The following KALRN variants were observed in gnomAD, a reference collection of about 807,000 sequenced individuals.
The protein encoded by KALRN is kalirin RhoGEF kinase, also known as kalirin.
A neutral mutation model predicts 353.7 loss-of-function variants in KALRN; 70 were observed. That is an observed-to-expected ratio of 0.20 (90% CI 0.16 to 0.24). The LOEUF is 0.24. KALRN is among the 10% of genes least tolerant of loss of function. The pLI, the probability that KALRN is intolerant of heterozygous loss-of-function variation, is 1.00. For missense variants in KALRN, 2,791 were observed against 3,756.7 expected (o/e 0.74, Z 6.72); for synonymous variants, 1,391 against 1,434.8 (o/e 0.97, Z 0.69).
intron 1 of KALRN, chr3:124,082,127 C>T (rs2060572947): frequency 2.6e-6 from 1 of 385,310 alleles, no homozygotes; most frequent in African/African-American, 2.1e-5. Context: ...CCCTGGATGC[C>T]CAGCTGCAAT....
chr3:124,380,527 C>T (rs2087206284), intron 10 of KALRN, among the ~76,000 whole-genome samples: 1 of 152,158 alleles, frequency 6.6e-6, no homozygotes, highest in Admixed American at 6.5e-5. Context: ...ATCTATACAC[C>T]AGCACTCATA....
intron 5 of KALRN, among the ~76,000 whole-genome samples, chr3:124,272,753 C>T (rs1454532073): frequency 6.6e-6 from 1 of 152,156 alleles, no homozygotes; most frequent in Non-Finnish European, 1.5e-5. Context: ...GAGTGCTGGA[C>T]AGGGTAGAAA....
chr3:124,247,937 T>C lies in KALRN; in HGVS notation c.263+12994T>C, dbSNP rs562651248. Reference sequence around the variant, plus strand: ...CCACCCCATCTCATGTTTTCTTAGATTGCTTTAGAAAAAAAGATTTATTCA... The same window carrying C: ...CCACCCCATCTCATGTTTTCTTAGACTGCTTTAGAAAAAAAGATTTATTCA... On this transcript the variant is annotated intron_variant, in intron 3 of 59. Coordinates refer to ENST00000682506, the MANE Select transcript of KALRN (RefSeq NM_001388419.1). 4.2e-4 allele frequency among the ~76,000 whole-genome samples: 64 copies of C among 152,284 alleles called. No individual in the cohort carries two copies. In the South Asian group the frequency reaches 0.013, roughly 31 times the overall value.
intron 2 of KALRN, among the ~76,000 whole-genome samples, chr3:124,234,093 G>A (rs889570975): frequency 1.3e-5 from 2 of 152,118 alleles, no homozygotes; most frequent in Non-Finnish European, 2.9e-5. Context: ...TGTCATTTTG[G>A]TATACTCCTT....
At chr3:124,606,755 T>A (rs529858280) in intron 34 of KALRN, among the ~76,000 whole-genome samples, 2 of 152,260 alleles carry the variant, frequency 1.3e-5, no homozygotes, top group African/African-American at 4.8e-5. Context: ...AGACCCAGAA[T>A]GTATGAAGAG....
chr3:124,667,481 G>A (rs759469364), intron 47 of KALRN, among the ~76,000 whole-genome samples: 35 of 152,210 alleles, frequency 2.3e-4, no homozygotes, highest in African/African-American at 8.4e-4. Context: ...AAAAGTCTGA[G>A]ATAGGCACAT....
At chr3:124,064,349 G>A (rs2042190256) in intron 1 of KALRN, among the ~76,000 whole-genome samples, 1 of 152,172 alleles carries the variant, frequency 6.6e-6, no homozygotes, top group Non-Finnish European at 1.5e-5. Context: ...CTCTGTGGCA[G>A]CCATTTAGCG....
intron 34 of KALRN, among the ~76,000 whole-genome samples, chr3:124,620,932 G>A (rs988749610): frequency 1.3e-5 from 2 of 152,194 alleles, no homozygotes; most frequent in Non-Finnish European, 2.9e-5. Flanking sequence ...CAAAGCGTGG[G>A]GCCAGGGTCG....
intron 1 of KALRN, among the ~76,000 whole-genome samples, chr3:124,151,497 G>T (rs1019448157): frequency 5.3e-5 from 8 of 152,072 alleles, no homozygotes; most frequent in Admixed American, 2.0e-4. Flanking sequence ...ATCCTCTTTT[G>T]TAAGGTGAAT....
At chr3:124,634,332 A>G (rs2081121336) in intron 36 of KALRN, among the ~76,000 whole-genome samples, 1 of 152,186 alleles carries the variant, frequency 6.6e-6, no homozygotes, top group African/African-American at 2.4e-5. Context: ...TGTTTTCCCT[A>G]TAGTCAACTC....
At chr3:124,512,407 T>A (rs2066015385) in intron 33 of KALRN, among the ~76,000 whole-genome samples, 1 of 152,202 alleles carries the variant, frequency 6.6e-6, no homozygotes, top group Non-Finnish European at 1.5e-5. Context: ...ATCCCAACAC[T>A]TTGGGAAGCT....
At chr3:124,105,613 G>A (rs13087591) in intron 1 of KALRN, among the ~76,000 whole-genome samples, 134,610 of 151,808 alleles carry the variant, frequency 0.89, 60,358 homozygotes, top group East Asian at 1. Flanking sequence ...CTCCATGTGC[G>A]TGGAGAGGAG....
At chr3:124,596,532 A>G (rs1011706070) in intron 34 of KALRN, among the ~76,000 whole-genome samples, 4 of 152,202 alleles carry the variant, frequency 2.6e-5, no homozygotes, top group Non-Finnish European at 4.4e-5. Context: ...CAATCAATAT[A>G]AAAATTGAGA....
chr3:124,554,310 A>G (rs1258695914), intron 33 of KALRN, among the ~76,000 whole-genome samples: 1 of 152,198 alleles, frequency 6.6e-6, no homozygotes, highest in Non-Finnish European at 1.5e-5. Context: ...GCCCCTGTGA[A>G]TTAAGTTGGG....
chr3:124,642,301 TAAAAGAG>T (rs1185248846), intron 37 of KALRN, among the ~76,000 whole-genome samples: 9 of 128,734 alleles, frequency 7.0e-5, no homozygotes, highest in Admixed American at 2.4e-4. Context: ...AACAAAAAAT[TAAAAGAG>T]AGAGAGAGAG....
In KALRN at chr3:124,233,268, G is replaced by A. The variant is rs1002954589; in HGVS notation, c.149-1561G>A. Reference sequence around the variant, plus strand: ...TTGGGGTGAGGTCAAGGATAGAGGGGAAGGTTGAGAGTGTTGGAGGACCTC... The same window carrying A: ...TTGGGGTGAGGTCAAGGATAGAGGGAAAGGTTGAGAGTGTTGGAGGACCTC... On this transcript the variant is annotated intron_variant, in intron 2 of 59. Transcript: ENST00000682506. Among the ~76,000 whole-genome samples the A allele has an allele frequency of 2.0e-5, 3 of 152,322 alleles. No homozygotes were observed. The East Asian group carries it at 5.8e-4, about 29-fold the overall frequency.
chr3:124,520,585 A>G (rs1218800077), intron 33 of KALRN, among the ~76,000 whole-genome samples: 2 of 152,158 alleles, frequency 1.3e-5, no homozygotes, highest in Non-Finnish European at 2.9e-5. Context: ...TCCCATTCAT[A>G]GAAAAATTGC....
At chr3:124,528,792 G>T (rs116630509) in intron 33 of KALRN, among the ~76,000 whole-genome samples, 41 of 152,288 alleles carry the variant, frequency 2.7e-4, no homozygotes, top group African/African-American at 9.4e-4. Flanking sequence ...TCCAACTCAG[G>T]TCTTGTTATA....
At chr3:124,411,333 G>A (rs2092129409) in intron 13 of KALRN, among the ~76,000 whole-genome samples, 1 of 144,960 alleles carries the variant, frequency 6.9e-6, no homozygotes, top group African/African-American at 2.6e-5. Context: ...TAAAATATGT[G>A]TATTTTGTAT....
Sources: gnomAD v4.1 joint callset for allele counts (sites outside exome capture counted in the v4.1 genomes callset) on GRCh38, gnomAD v4.1.1 for gene constraint, MANE v1.5 for transcripts, NCBI Gene and HGNC (gene_info 2026-07-23, HGNC 2026-07-21) for gene names.